PRRG2: variants seen among roughly 807,000 people sequenced by gnomAD.
PRRG2 encodes the protein proline rich and Gla domain 2, also known as transmembrane gamma-carboxyglutamic acid protein 2.
A neutral mutation model predicts 27.1 loss-of-function variants in PRRG2; 23 were observed. That is an observed-to-expected ratio of 0.85 (90% CI 0.61 to 1.20). The LOEUF (loss-of-function observed/expected upper bound fraction) is 1.20, where lower values mean the gene tolerates loss of function less well. Among genes scored for constraint, PRRG2 ranks in the 50% most tolerant of loss-of-function variants. PRRG2 has a pLI of 0.00. For missense variants in PRRG2, 276 were observed against 254.8 expected (o/e 1.08, Z -0.57); for synonymous variants, 104 against 103.4 (o/e 1.01, Z -0.03).
At chr19:49,586,831 CAG>C (rs1464115658) in intron 4 of PRRG2, among the ~76,000 whole-genome samples, 2 of 151,964 alleles carry the variant, frequency 1.3e-5, no homozygotes, top group African/African-American at 4.8e-5. Flanking sequence ...AGCCTGGTGA[CAG>C]AGCAAGACTC....
intron 1 of PRRG2, among the ~76,000 whole-genome samples, chr19:49,582,253 A>G (rs1056578373): frequency 1.3e-5 from 2 of 149,332 alleles, no homozygotes; most frequent in Non-Finnish European, 3.0e-5. Context: ...AAAAAAAAAA[A>G]AAAAAAACTC....
chr19:49,581,098 TA>T (rs2080618921), upstream of PRRG2, among the ~76,000 whole-genome samples: 1 of 152,104 alleles, frequency 6.6e-6, no homozygotes, highest in Non-Finnish European at 1.5e-5. Flanking sequence ...GAGACCTAGA[TA>T]TTAATTTTTC....
chr19:49,586,286 C>T (rs2080668886), intron 4 of PRRG2, among the ~76,000 whole-genome samples: 3 of 151,410 alleles, frequency 2.0e-5, no homozygotes. Context: ...TCTCACTGTG[C>T]TGTGTTGTCT....
chr19:49,584,104 C>T, intron 4 of PRRG2, 152 bp downstream of exon 4: 2 of 706,312 alleles, frequency 2.8e-6, no homozygotes, highest in Non-Finnish European at 2.2e-6. Flanking sequence ...AAGGAGTTCC[C>T]TCCCTTAAGA....
At chr19:49,585,808 G>A (rs1382556201) in intron 4 of PRRG2, among the ~76,000 whole-genome samples, 3 of 151,556 alleles carry the variant, frequency 2.0e-5, no homozygotes, top group Admixed American at 1.3e-4. Context: ...GGCTGGGCGC[G>A]GTGGCTCACA....
intron 4 of PRRG2, among the ~76,000 whole-genome samples, chr19:49,584,887 G>A (rs2080657417): frequency 6.6e-6 from 1 of 152,298 alleles, no homozygotes; most frequent in Non-Finnish European, 1.5e-5. Context: ...CTTCCCTGGT[G>A]TCCAGAGTAA....
chr19:49,581,748 A>T (rs1165747312), intron 1 of PRRG2, among the ~76,000 whole-genome samples: 1 of 152,194 alleles, frequency 6.6e-6, no homozygotes, highest in Non-Finnish European at 1.5e-5. Context: ...TCACCAGTGG[A>T]CATGTTTATA....
intron 4 of PRRG2, among the ~76,000 whole-genome samples, chr19:49,586,072 CAAAAAAAA>C (rs1171500009): frequency 3.5e-5 from 2 of 56,918 alleles, no homozygotes; most frequent in South Asian, 7.5e-4. Flanking sequence ...AGAGTGTCTC[CAAAAAAAA>C]AAAAAAAAAA....
In PRRG2 at chr19:49,590,033, C is replaced by A; in HGVS notation, c.571C>A (p.Pro191Thr). The change falls in exon 6 of 7, where the codon CCT becomes ACT. Residue 191 changes from proline to threonine, a missense_variant. Coordinates refer to ENST00000246794, the MANE Select transcript of PRRG2 (RefSeq NM_000951.3). ...ALAASGVHDA[P>T]PPPYTSLRRP... ...GGCAGCCTCTGGGGTACACGACGCA[C>A]CTCCACCCCCCTACACCAGGTATGG... 6.6e-7 allele frequency: 1 copy of A among 1,525,688 alleles called. No individual in the cohort carries two copies. The highest frequency in any genetic ancestry group is 2.4e-5 in the East Asian group (1 of 40,920). 94.5% of individuals were successfully genotyped at this position (1,525,688 alleles called of 1,614,324 possible). A position where few individuals can be genotyped will look rare whatever the true frequency, so the allele number is the denominator to read the frequency against.
intron 4 of PRRG2, among the ~76,000 whole-genome samples, chr19:49,588,015 G>C (rs2080685119): frequency 6.6e-6 from 1 of 151,996 alleles, no homozygotes; most frequent in African/African-American, 2.4e-5. Flanking sequence ...TGGCTGGAGA[G>C]CAATGGCTCA....
intron 6 of PRRG2, 143 bp from the exon 7 acceptor site, chr19:49,590,228 G>T: frequency 6.9e-7 from 1 of 1,452,914 alleles, no homozygotes. Flanking sequence ...CGTTGTATGT[G>T]TGGAGCCGTA....
intron 6 of PRRG2, 149 bp downstream of exon 6, chr19:49,590,201 C>T (rs1215446423): frequency 6.4e-6 from 9 of 1,415,972 alleles, no homozygotes; most frequent in Non-Finnish European, 9.7e-7. Context: ...ATGCAATGGT[C>T]TAGGGGCGTG....
In PRRG2 at chr19:49,583,716, C is replaced by T. The variant is rs767615583; in HGVS notation, c.260C>T (p.Thr87Met). The T allele has an allele frequency of 1.7e-5, 28 of 1,613,624 alleles. No homozygotes were observed. The highest frequency in any genetic ancestry group is 9.3e-5 in the African/African-American group (7 of 74,898). Reference sequence around the variant, plus strand: ...GAGTATTTTGAGGACAACACTCTCACGGTGAGGGCCTCGAGACCCTGGAGT... The same window carrying T: ...GAGTATTTTGAGGACAACACTCTCATGGTGAGGGCCTCGAGACCCTGGAGT... ...AREYFEDNTL[T>M]ERFWESYIYN... is the part of the protein sequence containing the mutation. The change falls in exon 3 of 7, where the codon ACG (threonine) becomes ATG (methionine). Residue 87 changes from threonine (T) to methionine (M), a missense_variant and splice_region_variant. Coordinates refer to ENST00000246794, the MANE Select transcript of PRRG2 (RefSeq NM_000951.3).
Position 49,590,378 on chromosome 19 carries a change from A to C in PRRG2, c.598A>C (p.Arg200=). ...GTGCCTTTCCTCTTGCAGCCTCAGGAGGCCTCACTGAAGAGCTGCTTTCGA... is the reference window on the plus strand; with the variant it reads ...GTGCCTTTCCTCTTGCAGCCTCAGGCGGCCTCACTGAAGAGCTGCTTTCGA... The part of the protein sequence containing the change: ...APPPPYTSLR[R]PH Residue 200 remains arginine (R), a synonymous_variant, in exon 7 of 7, where the codon AGG becomes CGG. Coordinates refer to ENST00000246794, the MANE Select transcript of PRRG2 (RefSeq NM_000951.3). 6.2e-7 allele frequency: 1 copy of C among 1,614,052 alleles called. No individual in the cohort carries two copies. Among genetic ancestry groups the C allele is most frequent in the Non-Finnish European group, 8.5e-7 (1 of 1,179,990 alleles).
At chr19:49,586,791 C>T (rs1265710111) in intron 4 of PRRG2, among the ~76,000 whole-genome samples, 3 of 152,090 alleles carry the variant, frequency 2.0e-5, no homozygotes, top group Non-Finnish European at 4.4e-5. Flanking sequence ...GCGGAGGTTG[C>T]GGTGAGCCGA....
intron 1 of PRRG2, among the ~76,000 whole-genome samples, chr19:49,582,459 T>C (rs2080634484): frequency 6.6e-6 from 1 of 151,404 alleles, no homozygotes; most frequent in South Asian, 2.1e-4. Flanking sequence ...ATGACTCCTG[T>C]GAAAAGTAAA....
At chr19:49,589,419 C>A (rs1485481263) in intron 5 of PRRG2, among the ~76,000 whole-genome samples, 2 of 146,600 alleles carry the variant, frequency 1.4e-5, no homozygotes, top group Non-Finnish European at 3.0e-5. Context: ...AGCCACCACG[C>A]CTGGCCCTTT....
intron 4 of PRRG2, among the ~76,000 whole-genome samples, chr19:49,585,687 A>G (rs1223736185): frequency 6.6e-6 from 1 of 152,062 alleles, no homozygotes; most frequent in Non-Finnish European, 1.5e-5. Context: ...AATTCCAGCT[A>G]CTCAGGCGGC....
intron 5 of PRRG2, 25 bp from the exon 6 acceptor site, chr19:49,589,875 C>T (rs1211893824): frequency 6.2e-7 from 1 of 1,612,726 alleles, no homozygotes; most frequent in East Asian, 2.2e-5. Flanking sequence ...GTTGCCTCTG[C>T]TAACTGTACC....
Sources: gnomAD v4.1 joint callset for allele counts (sites outside exome capture counted in the v4.1 genomes callset) on GRCh38, gnomAD v4.1.1 for gene constraint, MANE v1.5 for transcripts, NCBI Gene and HGNC (gene_info 2026-07-23, HGNC 2026-07-21) for gene names.